The following CCDC178 variants were observed in gnomAD, a reference collection of about 807,000 sequenced individuals.
CCDC178 encodes coiled-coil domain containing 178.
CCDC178 carries 126 observed loss-of-function variants against 117.4 expected under a neutral mutation model. That is an observed-to-expected ratio of 1.07 (90% confidence interval 0.93 to 1.24). The LOEUF (loss-of-function observed/expected upper bound fraction) is 1.24. CCDC178 is among the 50% of genes most tolerant of loss of function. The pLI is 0.00. For synonymous variants in CCDC178, 283 were observed against 313.4 expected (o/e 0.90, Z 1.02); for missense variants, 1,030 against 986.9 (o/e 1.04, Z -0.59).
In CCDC178 at chr18:33,266,930, TA is replaced by T. The variant is rs747171150; in HGVS notation, c.1394del (p.Val465GlufsTer17). ...KLEIDINKIT[V>X]KTNESIRKKS... is the part of the protein sequence containing the mutation. ...TGCAAATTTACCTTTCATTGGTTTT[TA>T]CTGTTATTTTGTTAATATCAATCTC... On this transcript the variant is annotated frameshift_variant, in exon 14 of 23. Transcript: ENST00000383096. LOFTEE classifies it high-confidence loss of function. The T allele has an allele frequency of 1.3e-6, 2 of 1,576,906 alleles. No homozygotes were observed. The highest frequency in any genetic ancestry group is 2.4e-5 in the South Asian group (2 of 85,042).
chr18:33,364,830 T>C (rs532472692), intron 6 of CCDC178, among the ~76,000 whole-genome samples: 1 of 149,198 alleles, frequency 6.7e-6, no homozygotes, highest in Admixed American at 6.7e-5. Context: ...CACAGACTAC[T>C]AGAAAAATTT....
At chr18:33,280,124 C>G (rs930975774) in intron 12 of CCDC178, among the ~76,000 whole-genome samples, 16 of 151,346 alleles carry the variant, frequency 1.1e-4, no homozygotes, top group African/African-American at 3.9e-4. Context: ...AACTCAAGAG[C>G]TTCTGCACAG....
At chr18:33,165,359 T>C (rs898113254) in intron 20 of CCDC178, among the ~76,000 whole-genome samples, 9 of 152,058 alleles carry the variant, frequency 5.9e-5, no homozygotes, top group Non-Finnish European at 1.2e-4. Flanking sequence ...TTACACAGTG[T>C]TTACATTGTA....
chr18:33,179,570 A>G (rs1246064322), intron 20 of CCDC178, among the ~76,000 whole-genome samples: 1 of 152,012 alleles, frequency 6.6e-6, no homozygotes, highest in Non-Finnish European at 1.5e-5. Context: ...TCTCTCTGTC[A>G]TAACACAAAG....
intron 2 of CCDC178, among the ~76,000 whole-genome samples, chr18:33,438,538 C>T (rs1426387650): frequency 2.0e-5 from 3 of 148,038 alleles, no homozygotes; most frequent in African/African-American, 5.0e-5. Flanking sequence ...CACACACACA[C>T]GGCAAACACA....
At chr18:33,293,031 C>T in intron 12 of CCDC178, 128 bp downstream of exon 12, 1 of 590,672 alleles carries the variant, frequency 1.7e-6, no homozygotes, top group South Asian at 2.3e-5. Context: ...CAATAGAAAA[C>T]TAATACAGGC....
chr18:33,025,465 C>T (rs2056208283), intron 21 of CCDC178, among the ~76,000 whole-genome samples: 1 of 151,778 alleles, frequency 6.6e-6, no homozygotes, highest in Admixed American at 6.6e-5. Context: ...AGAAGAGCTA[C>T]AGAATGAGAG....
intron 21 of CCDC178, among the ~76,000 whole-genome samples, chr18:33,023,150 C>T (rs1286531637): frequency 1.3e-5 from 2 of 151,972 alleles, no homozygotes; most frequent in Non-Finnish European, 2.9e-5. Flanking sequence ...TTTCAACAAC[C>T]CTCTCTCAAT....
chr18:33,414,001 CA>C lies in CCDC178; in HGVS notation c.-22-1892del, dbSNP rs201524825. Among the ~76,000 whole-genome samples the C allele has an allele frequency of 5.3e-4, 81 of 152,176 alleles. 1 individual carries two copies. In the East Asian group the frequency reaches 0.014, roughly 26 times the overall value. On this transcript the variant is annotated intron_variant, in intron 2 of 22. Transcript: ENST00000383096. Reference sequence around the variant, plus strand: ...TTTGTGTGTTGACTCACAGGACACTCAACATACAAAATGACTATGTAACCAA... The same window carrying C: ...TTTGTGTGTTGACTCACAGGACACTCACATACAAAATGACTATGTAACCAA...
At chr18:33,049,280 A>T (rs2056701099) in intron 21 of CCDC178, among the ~76,000 whole-genome samples, 1 of 152,140 alleles carries the variant, frequency 6.6e-6, no homozygotes, top group Non-Finnish European at 1.5e-5. Flanking sequence ...ACTTATAAAG[A>T]TGTTAATAAA....
intron 15 of CCDC178, among the ~76,000 whole-genome samples, chr18:33,242,002 AC>A (rs1487403483): frequency 6.6e-6 from 1 of 151,902 alleles, no homozygotes; most frequent in African/African-American, 2.4e-5. Flanking sequence ...ACATTATACT[AC>A]CAGACTTCAA....
At chr18:33,152,663 A>G (rs979285172) in intron 20 of CCDC178, among the ~76,000 whole-genome samples, 1 of 152,140 alleles carries the variant, frequency 6.6e-6, no homozygotes, top group Non-Finnish European at 1.5e-5. Flanking sequence ...CCAGAGCACA[A>G]GAACCACAAC....
At chr18:33,241,316 A>G (rs2059484598) in intron 15 of CCDC178, among the ~76,000 whole-genome samples, 1 of 151,850 alleles carries the variant, frequency 6.6e-6, no homozygotes, top group Non-Finnish European at 1.5e-5. Context: ...AACCAATCTC[A>G]TTCAATATAC....
rs199782861 is a variant in CCDC178 at position 33,239,689 on chromosome 18, G to A, written c.1593+5556C>T. On this transcript the variant is annotated intron_variant, in intron 15 of 22. Coordinates refer to ENST00000383096, the MANE Select transcript of CCDC178 (RefSeq NM_001105528.4). ...ACATACACTCACATATATACCTAATGCCAGAGCACCCAGATATATAAAGCA... is the reference window on the plus strand; with the variant it reads ...ACATACACTCACATATATACCTAATACCAGAGCACCCAGATATATAAAGCA... Among the ~76,000 whole-genome samples, 10 of 151,664 alleles carry A rather than the reference G, an allele frequency of 6.6e-5. No homozygotes were observed. In the East Asian group the frequency reaches 1.9e-3, roughly 29 times the overall value.
At chr18:33,216,905 G>T (rs1033611386) in intron 18 of CCDC178, among the ~76,000 whole-genome samples, 1 of 151,992 alleles carries the variant, frequency 6.6e-6, no homozygotes, top group Non-Finnish European at 1.5e-5. Context: ...GACAGAGAGC[G>T]GACAGGTGTG....
At chr18:33,305,774 C>T (rs1183392708) in intron 11 of CCDC178, among the ~76,000 whole-genome samples, 1 of 152,120 alleles carries the variant, frequency 6.6e-6, no homozygotes, top group Non-Finnish European at 1.5e-5. Flanking sequence ...TGCTGAAGCC[C>T]CACAGACAAA....
chr18:33,411,763 ATTG>A (rs890586896), intron 3 of CCDC178, among the ~76,000 whole-genome samples: 2 of 152,130 alleles, frequency 1.3e-5, no homozygotes, highest in Non-Finnish European at 2.9e-5. Flanking sequence ...ACAGCACACC[ATTG>A]TTGTACTGCT....
At chr18:33,309,697 T>C (rs2062309302) in intron 11 of CCDC178, among the ~76,000 whole-genome samples, 1 of 152,124 alleles carries the variant, frequency 6.6e-6, no homozygotes, top group Non-Finnish European at 1.5e-5. Context: ...CTAATGAATC[T>C]ATAGTTCTGT....
chr18:33,086,423 T>TACACAC (rs1202668250), intron 21 of CCDC178, among the ~76,000 whole-genome samples: 1 of 149,070 alleles, frequency 6.7e-6, no homozygotes, highest in African/African-American at 2.5e-5. Flanking sequence ...TATAAATATA[T>TACACAC]ATACACACAC....
Sources: allele counts gnomAD v4.1 joint callset (sites outside exome capture counted in the v4.1 genomes callset), GRCh38; gene constraint gnomAD v4.1.1; transcripts MANE v1.5; gene names NCBI Gene and HGNC (gene_info 2026-07-23, HGNC 2026-07-21).